The following STK17B variants were observed in gnomAD, a reference collection of about 807,000 sequenced individuals.
STK17B encodes serine/threonine-protein kinase 17B.
Under a neutral mutation model 42.0 loss-of-function variants are expected in STK17B, and 21 were observed. That is an observed-to-expected ratio of 0.50 (90% CI 0.35 to 0.72). STK17B has a LOEUF of 0.72. STK17B is among the 30% of genes least tolerant of loss of function. The probability of loss-of-function intolerance (pLI) is 0.00; values close to 1 mark genes in which losing one functional copy is unlikely to be tolerated. For synonymous variants in STK17B, 143 were observed against 148.4 expected (o/e 0.96, Z 0.26); for missense variants, 349 against 446.0 (o/e 0.78, Z 1.96).
At chr2:196,175,207 ATACT>A (rs1699987186), upstream of STK17B, among the ~76,000 whole-genome samples, 1 of 152,142 alleles carries the variant, frequency 6.6e-6, no homozygotes, top group African/African-American at 2.4e-5. Context: ...CTAGTATTTT[ATACT>A]TACAGCATGT....
intron 2 of STK17B, among the ~76,000 whole-genome samples, chr2:196,162,379 A>T (rs1194767030): frequency 7.3e-5 from 11 of 151,328 alleles, no homozygotes; most frequent in African/African-American, 2.7e-4. Flanking sequence ...TCAACTTAGG[A>T]GAGGGGGAGA....
chr2:196,139,786 T>C lies in STK17B; in HGVS notation c.670A>G (p.Ile224Val). The C allele has an allele frequency of 7.2e-7, 1 of 1,386,994 alleles. No homozygotes were observed. Among genetic ancestry groups the C allele is most frequent in the African/African-American group, 1.5e-5 (1 of 67,654 alleles). The allele number at this position is 1,386,994 out of a possible 1,614,324, so 85.9% of individuals were successfully genotyped here. The part of the protein sequence containing the change: ...TATDMWNIGI[I>V]AYMLLTHTSP... ...GTGTGAGTTAACAACATATATGCTA[T>C]TATACCAATATTCCTGAAAAACAAG... Residue 224 changes from isoleucine to valine, a missense_variant, in exon 7 of 8, where the codon ATA becomes GTA. Around this residue, in one of 3 missense-constraint regions of STK17B, gnomAD observed 256 missense variants for 347.7 expected, o/e 0.74. Transcript: ENST00000263955.
chr2:196,137,550 T>A lies in STK17B; in HGVS notation c.1016A>T (p.Asp339Val), dbSNP rs779986694. 2 of 1,614,144 alleles carry A rather than the reference T, an allele frequency of 1.2e-6. No homozygotes were observed. Among genetic ancestry groups the A allele is most frequent in the East Asian group, 2.2e-5 (1 of 44,862 alleles). ...SCNGTCGDRE[D>V]KENIPEDSSM... Reference sequence around the variant, plus strand: ...GCTATCCTCTGGGATATTCTCTTTGTCTTCTCTATCACCACAGGTTCCATT... The same window carrying A: ...GCTATCCTCTGGGATATTCTCTTTGACTTCTCTATCACCACAGGTTCCATT... Residue 339 changes from aspartate to valine, a missense_variant, in exon 8 of 8, where the codon GAC (aspartate) becomes GTC (valine). Coordinates refer to ENST00000263955, the MANE Select transcript of STK17B (RefSeq NM_004226.4).
chr2:196,138,183 A>G (rs17366004), intron 7 of STK17B, among the ~76,000 whole-genome samples: 13,574 of 152,264 alleles, frequency 0.089, 756 homozygotes, highest in Non-Finnish European at 0.12. Context: ...TCCCACTTCC[A>G]GATATTTTTT....
At chr2:196,171,117 G>C (rs1489738217) in intron 1 of STK17B, 2 of 152,620 alleles carry the variant, frequency 1.3e-5, no homozygotes, top group Non-Finnish European at 2.9e-5. Flanking sequence ...CGCCCCCCGC[G>C]CGGAGCCCCA....
intron 3 of STK17B, among the ~76,000 whole-genome samples, chr2:196,148,627 G>C (rs1699616365): frequency 6.6e-6 from 1 of 151,908 alleles, no homozygotes; most frequent in Admixed American, 6.6e-5. Flanking sequence ...TATAAAATAT[G>C]AATTTACATA....
intron 2 of STK17B, among the ~76,000 whole-genome samples, chr2:196,157,362 C>A (rs1699753839): frequency 6.6e-6 from 1 of 152,040 alleles, no homozygotes; most frequent in South Asian, 2.1e-4. Context: ...AAAAACTGTA[C>A]CCTTCATAGG....
chr2:196,157,936 G>C lies in STK17B; in HGVS notation c.123-1285C>G, dbSNP rs1190368814. Among the ~76,000 whole-genome samples, 3 of 152,130 alleles carry C rather than the reference G, an allele frequency of 2.0e-5. No homozygotes were observed. In the East Asian group the frequency reaches 5.8e-4, roughly 29 times the overall value. ...AAAATATACACAAGCCCTTAAATAG[G>C]AAGTTTTACATATAATTCCAGAGGG... is the stretch of plus-strand genomic sequence containing the variant. On this transcript the variant is annotated intron_variant, in intron 2 of 7. Coordinates refer to ENST00000263955, the MANE Select transcript of STK17B (RefSeq NM_004226.4).
Position 196,144,999 on chromosome 2 carries a change from T to C in STK17B, c.480+912A>G, listed in dbSNP as rs375243096. Among the ~76,000 whole-genome samples the C allele has an allele frequency of 3.3e-5, 5 of 151,798 alleles. No homozygotes were observed. The South Asian group carries it at 8.3e-4, about 25-fold the overall frequency. On this transcript the variant is annotated intron_variant, in intron 4 of 7. Transcript: ENST00000263955. ...ATGCTATGTAATGTACTTGGGTTGA[T>C]GTTAGCAGGAAAATGACCCAACAGG...
At chr2:196,169,113 G>A (rs1699906456) in intron 1 of STK17B, among the ~76,000 whole-genome samples, 1 of 126,148 alleles carries the variant, frequency 7.9e-6, no homozygotes, top group Non-Finnish European at 1.6e-5. Context: ...GTCTCCCTCT[G>A]TTGCCCAGGC....
At chr2:196,152,837 T>C (rs184320626) in intron 3 of STK17B, among the ~76,000 whole-genome samples, 31 of 152,296 alleles carry the variant, frequency 2.0e-4, no homozygotes, top group Admixed American at 1.3e-3. Context: ...GTTAGCTACA[T>C]AGGTATGGTT....
chr2:196,143,794 A>T, intron 4 of STK17B, 108 bp from the exon 5 acceptor site: 1 of 1,036,276 alleles, frequency 9.6e-7, no homozygotes. Flanking sequence ...TATACATTTC[A>T]TTGAGTCATG....
At chr2:196,160,282 C>T (rs1260737846) in intron 2 of STK17B, among the ~76,000 whole-genome samples, 1 of 152,086 alleles carries the variant, frequency 6.6e-6, no homozygotes, top group Non-Finnish European at 1.5e-5. Flanking sequence ...AGGAAGCTGA[C>T]GTTTATTTCT....
chr2:196,148,862 G>C (rs1461716188), intron 3 of STK17B, among the ~76,000 whole-genome samples: 2 of 152,182 alleles, frequency 1.3e-5, no homozygotes, highest in African/African-American at 2.4e-5. Context: ...GCAATTCCCA[G>C]TGCCTAGGAA....
In STK17B at chr2:196,140,577, C is replaced by CCTT. The variant is rs1334737441; in HGVS notation, c.656+671_656+672insAAG. Among the ~76,000 whole-genome samples the CCTT allele has an allele frequency of 8.5e-4, 86 of 101,464 alleles. 7 individuals carry two copies. The highest frequency in any genetic ancestry group is 1.0e-3 in the African/African-American group (29 of 27,916). The allele number at this position is 101,464 out of a possible 152,430, so 66.6% of individuals were successfully genotyped here. A position where few individuals can be genotyped will look rare whatever the true frequency, so the allele number is the denominator to read the frequency against. On this transcript the variant is annotated intron_variant, in intron 6 of 7. Transcript: ENST00000263955. ...CTGCTTAACAAATACCTTCTTCTAGCTTTTTTTTTTTTTTTTTTTTTTTGT... is the reference window on the plus strand; with the variant it reads ...CTGCTTAACAAATACCTTCTTCTAGCCTTTTTTTTTTTTTTTTTTTTTTTTTGT...
rs1387577100 is a variant in STK17B at position 196,170,806 on chromosome 2, G to C, written c.-45+527C>G. On this transcript the variant is annotated intron_variant, in intron 1 of 7. Coordinates refer to ENST00000263955, the MANE Select transcript of STK17B (RefSeq NM_004226.4). ...AAAACACTGTTCCCAAGCAGTAACTGAAAACGTCCCACAAGATGAACACGA... is the reference window on the plus strand; with the variant it reads ...AAAACACTGTTCCCAAGCAGTAACTCAAAACGTCCCACAAGATGAACACGA... The C allele has an allele frequency of 2.0e-5, 3 of 152,360 alleles. No homozygotes were observed. The East Asian group carries it at 5.8e-4, about 29-fold the overall frequency. The allele number at this position is 152,360 out of a possible 1,614,324, so 9.4% of individuals were successfully genotyped here. A position where few individuals can be genotyped will look rare whatever the true frequency, so the allele number is the denominator to read the frequency against.
chr2:196,159,225 C>A (rs900114733), intron 2 of STK17B, among the ~76,000 whole-genome samples: 7 of 151,310 alleles, frequency 4.6e-5, no homozygotes, highest in African/African-American at 1.7e-4. Context: ...GTGCTTGTGA[C>A]AATTCAGTTC....
intron 6 of STK17B, among the ~76,000 whole-genome samples, chr2:196,140,714 G>A (rs141802091): frequency 1.8e-3 from 276 of 151,012 alleles, no homozygotes; most frequent in African/African-American, 6.2e-3. Flanking sequence ...ACAGGTACGC[G>A]CCACCACGTC....
chr2:196,139,889 CAAAACTGGTACGGTTAAACTACAG>C, intron 6 of STK17B, 90 bp from the exon 7 acceptor site: 1 of 942,184 alleles, frequency 1.1e-6, no homozygotes, highest in Non-Finnish European at 1.4e-6. Context: ...CTCCTCTCCT[CAAAACTGGTACGGTTAAACTACAG>C]ATTTACATTG....
Sources: allele counts gnomAD v4.1 joint callset (sites outside exome capture counted in the v4.1 genomes callset), GRCh38; gene constraint gnomAD v4.1.1; regional missense constraint gnomAD v4.1.1; transcripts MANE v1.5; gene names NCBI Gene and HGNC (gene_info 2026-07-23, HGNC 2026-07-21).